Variants in SLC43A2 observed in about 807,000 individuals in gnomAD.
SLC43A2 encodes large neutral amino acids transporter small subunit 4.
SLC43A2 carries 38 observed loss-of-function variants against 63.2 expected under a neutral mutation model. The ratio of observed to expected loss-of-function variants is 0.60; its 90% CI spans 0.46 to 0.79. SLC43A2 has a LOEUF of 0.79. Ranked by LOEUF, SLC43A2 falls within the 30% of genes least tolerant of loss-of-function variation. The probability of loss-of-function intolerance (pLI) is 0.00; values close to 1 mark genes in which losing one functional copy is unlikely to be tolerated. For missense variants in SLC43A2, 644 were observed against 756.2 expected, an observed-to-expected ratio of 0.85 and a Z score of 1.74; for synonymous variants, 322 against 331.0, an observed-to-expected ratio of 0.97 and a Z score of 0.30.
chr17:1,588,252 G>A (rs1339589958), intron 9 of SLC43A2, among the ~76,000 whole-genome samples: 1 of 152,120 alleles, frequency 6.6e-6, no homozygotes, highest in Non-Finnish European at 1.5e-5. Context: ...TGGGCATGGT[G>A]GCAGGTGCCT....
Position 1,627,788 on chromosome 17 carries a change from G to C in SLC43A2, c.87C>G (p.Val29=), listed in dbSNP as rs1255976235. The C allele has an allele frequency of 6.3e-7, 1 of 1,598,954 alleles. No individual in the cohort carries two copies. The highest frequency in any genetic ancestry group is 8.5e-7 in the Non-Finnish European group (1 of 1,172,950). Residue 29 remains valine, a synonymous_variant, in exon 2 of 14, where the codon GTC becomes GTG. Coordinates refer to ENST00000301335, the MANE Select transcript of SLC43A2 (RefSeq NM_152346.3). ...AVLENLLFSA[V]LLGWGSLLIM... is the part of the protein sequence containing the mutation. The stretch of plus-strand genomic sequence containing the variant: ...TGAGCAGCGAGCCCCAGCCCAGGAG[G>C]ACTGCCGAGAAGAGGAGGTTCTCCA...
intron 5 of SLC43A2, among the ~76,000 whole-genome samples, chr17:1,604,082 C>A (rs1020821936): frequency 2.0e-5 from 3 of 152,166 alleles, no homozygotes; most frequent in African/African-American, 4.8e-5. Flanking sequence ...ACTCTGTCGC[C>A]AAGGCTACAG....
Position 1,578,153 on chromosome 17 carries a change from G to T in SLC43A2, c.1424+97C>A, listed in dbSNP as rs1433693041. On this transcript the variant is annotated intron_variant, in intron 12 of 13. Coordinates refer to ENST00000301335, the MANE Select transcript of SLC43A2 (RefSeq NM_152346.3). The surrounding 1 kb of genome is among the most constrained non-coding windows in gnomAD (Gnocchi z 6.5). ...AGGAAGATGAGCCCTTCTGGGACAG[G>T]CTGACCCTGCCTCAGAGTCTCAGTC... 2.4e-6 allele frequency: 3 copies of T among 1,240,664 alleles called. No individual in the cohort carries two copies. The Admixed American group carries it at 5.3e-5, about 22-fold the overall frequency. 76.9% of individuals were successfully genotyped at this position (1,240,664 alleles called of 1,614,324 possible).
At chr17:1,602,475 G>A (rs1030728543) in intron 5 of SLC43A2, among the ~76,000 whole-genome samples, 18 of 151,868 alleles carry the variant, frequency 1.2e-4, no homozygotes, top group Admixed American at 6.6e-4. Flanking sequence ...GTGAAACCTC[G>A]TCTTTACTAA....
At chr17:1,588,495 A>C (rs1381810329) in intron 9 of SLC43A2, among the ~76,000 whole-genome samples, 2 of 151,702 alleles carry the variant, frequency 1.3e-5, no homozygotes, top group Non-Finnish European at 2.9e-5. Flanking sequence ...GTTTGAGACC[A>C]GCCTGGGAAA....
Position 1,583,260 on chromosome 17 carries a change from T to C in SLC43A2, c.1294A>G (p.Asn432Asp). 1 of 1,614,116 alleles carries C rather than the reference T, an allele frequency of 6.2e-7. No individual in the cohort carries two copies. The highest frequency in any genetic ancestry group is 8.5e-7 in the Non-Finnish European group (1 of 1,180,012). ...TNAMRAFAFT[N>D]LLLVGFGVTC... ...ACCCCAAAGCCCACGAGCAGCAGGT[T>C]GGTGAAGGCGAAGGCCCGCATGGCA... The change falls in exon 11 of 14, where the codon AAC becomes GAC. Residue 432 changes from asparagine to aspartate, a missense_variant. Asn to Asp is a conservative substitution (Grantham distance 23, BLOSUM62 1). Around this residue, in one of 3 missense-constraint regions of SLC43A2, gnomAD observed 528 missense variants for 623.6 expected, o/e 0.85. Coordinates refer to ENST00000301335, the MANE Select transcript of SLC43A2 (RefSeq NM_152346.3). The surrounding 1 kb of genome is among the most constrained non-coding windows in gnomAD (Gnocchi z 5.5).
Position 1,583,364 on chromosome 17 carries a change from G to GGGAGGGCTCCCCGGAGGAAGCC in SLC43A2, c.1218-50_1218-29dup, listed in dbSNP as rs752763803. On this transcript the variant is annotated intron_variant, in intron 10 of 13. Coordinates refer to ENST00000301335, the MANE Select transcript of SLC43A2 (RefSeq NM_152346.3). The surrounding 1 kb of genome is among the most constrained non-coding windows in gnomAD (Gnocchi z 5.5). The stretch of plus-strand genomic sequence containing the variant: ...GTGGAGACACAGAACGTGCAGGGGT[G>GGGAGGGCTCCCCGGAGGAAGCC]GGAGGGCTCCCCGGAGGAAGCCGGG... 14 of 1,609,498 alleles carry GGGAGGGCTCCCCGGAGGAAGCC rather than the reference G, an allele frequency of 8.7e-6. No homozygotes were observed. Among genetic ancestry groups the GGGAGGGCTCCCCGGAGGAAGCC allele is most frequent in the Non-Finnish European group, 1.2e-5 (14 of 1,176,374 alleles).
At position 1,578,914 on chromosome 17, in the gene SLC43A2, T is replaced by C. The variant is rs994370464; in HGVS notation, c.1351-591A>G. Among the ~76,000 whole-genome samples, 3 of 151,552 alleles carry C rather than the reference T, an allele frequency of 2.0e-5. No individual in the cohort carries two copies. Among genetic ancestry groups the C allele is most frequent in the Admixed American group, 6.6e-5 (1 of 15,220 alleles). ...CCAGTGCTTTGGGAGGCCGAGGAGG[T>C]GGATCACCTGAGGTCAGGAGTTCGA... On this transcript the variant is annotated intron_variant, in intron 11 of 13. Coordinates refer to ENST00000301335, the MANE Select transcript of SLC43A2 (RefSeq NM_152346.3). The surrounding 1 kb of genome is among the most constrained non-coding windows in gnomAD (Gnocchi z 6.5).
intron 5 of SLC43A2, chr17:1,604,938 CCGGAGTGA>C (rs1191264078): frequency 1.5e-5 from 23 of 1,517,460 alleles, no homozygotes; most frequent in Non-Finnish European, 1.9e-5. Flanking sequence ...AGCCGCGGTG[CCGGAGTGA>C]GGGCTGAGCG....
chr17:1,621,251 C>A (rs183094427), intron 2 of SLC43A2, among the ~76,000 whole-genome samples: 1 of 152,274 alleles, frequency 6.6e-6, no homozygotes, highest in East Asian at 1.9e-4. Flanking sequence ...CCCCACACCC[C>A]GGGGAGACAA....
Position 1,575,564 on chromosome 17 carries a change from G to A in SLC43A2, c.*40C>T. On this transcript the variant is annotated 3_prime_UTR_variant, in exon 14 of 14. Coordinates refer to ENST00000301335, the MANE Select transcript of SLC43A2 (RefSeq NM_152346.3). ...AGGGGCAGGACAGGGGTCAGTCACT[G>A]AAGCACAGGCAGGAGACCGCAGTTC... 2 of 1,613,724 alleles carry A rather than the reference G, an allele frequency of 1.2e-6. No homozygotes were observed. Among genetic ancestry groups the A allele is most frequent in the East Asian group, 4.5e-5 (2 of 44,882 alleles).
Position 1,573,429 on chromosome 17 carries a change from A to G in SLC43A2, c.*2175T>C, listed in dbSNP as rs1450135276. The G allele has an allele frequency of 2.0e-5, 3 of 152,388 alleles. No homozygotes were observed. The highest frequency in any genetic ancestry group is 4.4e-5 in the Non-Finnish European group (3 of 68,058). 9.4% of individuals were successfully genotyped at this position (152,388 alleles called of 1,614,324 possible). On this transcript the variant is annotated 3_prime_UTR_variant, in exon 14 of 14. Transcript: ENST00000301335. ...TCGAGCCGTTCCTCGGCAGCACAGCACACCCGCTCCTGAGGAGCCACGGAG... is the reference window on the plus strand; with the variant it reads ...TCGAGCCGTTCCTCGGCAGCACAGCGCACCCGCTCCTGAGGAGCCACGGAG...
Position 1,573,230 on chromosome 17 carries a change from G to C in SLC43A2, c.*2374C>G, listed in dbSNP as rs1327402618. On this transcript the variant is annotated 3_prime_UTR_variant, in exon 14 of 14. Coordinates refer to ENST00000301335, the MANE Select transcript of SLC43A2 (RefSeq NM_152346.3). Reference sequence around the variant, plus strand: ...CCTTTTCCCAGCTGGCAGCACCCTGGCTAGTTAGGGTTTCTCCGAATCTGC... The same window carrying C: ...CCTTTTCCCAGCTGGCAGCACCCTGCCTAGTTAGGGTTTCTCCGAATCTGC... The C allele has an allele frequency of 6.6e-6, 1 of 151,052 alleles. No homozygotes were observed. Among genetic ancestry groups the C allele is most frequent in the Non-Finnish European group, 1.5e-5 (1 of 68,008 alleles). The allele number at this position is 151,052 out of a possible 1,614,324, so 9.4% of individuals were successfully genotyped here.
At chr17:1,615,704 G>C (rs559714277) in intron 3 of SLC43A2, among the ~76,000 whole-genome samples, 1 of 148,872 alleles carries the variant, frequency 6.7e-6, no homozygotes. Flanking sequence ...TTAGCCGGGC[G>C]TGGTGGCAGG....
At chr17:1,599,713 A>C (rs1361016724) in intron 5 of SLC43A2, among the ~76,000 whole-genome samples, 1 of 151,162 alleles carries the variant, frequency 6.6e-6, no homozygotes, top group Non-Finnish European at 1.5e-5. Context: ...AAAAACAAAA[A>C]ACTTTTACTA....
chr17:1,586,928 T>TCCCCCCCCCCCCCCCCCCCCCCCCC, intron 9 of SLC43A2: 24 of 1,232,896 alleles, frequency 1.9e-5, no homozygotes, highest in South Asian at 5.3e-5. Flanking sequence ...TCCCTGACAA[T>TCCCCCCCCCCCCCCCCCCCCCCCCC]CCCCCCCACC....
chr17:1,586,123 G>A (rs1325507776), intron 9 of SLC43A2, 72 bp from the exon 10 acceptor site: 3 of 1,498,986 alleles, frequency 2.0e-6, no homozygotes, highest in Non-Finnish European at 2.7e-6. Context: ...GCACCAGCTG[G>A]GAAGGGGCTG....
Position 1,607,995 on chromosome 17 carries a change from C to T in SLC43A2, c.501+5200G>A, listed in dbSNP as rs148633912. ...CCTCCCAAAGTGCTGGGGTTACAGG[C>T]GTGAGCTAGTGTGCCTGGCTAAGAC... On this transcript the variant is annotated intron_variant, in intron 5 of 13. Coordinates refer to ENST00000301335, the MANE Select transcript of SLC43A2 (RefSeq NM_152346.3). Among the ~76,000 whole-genome samples, 384 of 152,120 alleles carry T rather than the reference C, an allele frequency of 2.5e-3. 3 individuals are homozygous for T. Among genetic ancestry groups the T allele is most frequent in the African/African-American group, 8.6e-3 (357 of 41,500 alleles).
intron 3 of SLC43A2, chr17:1,616,353 G>C (rs911462384): frequency 1.4e-5 from 8 of 569,280 alleles, no homozygotes; most frequent in Middle Eastern, 4.6e-4. Context: ...CTGGAGCCTG[G>C]AGCTTTTCTT....
Sources: gnomAD v4.1 joint callset for allele counts (sites outside exome capture counted in the v4.1 genomes callset) on GRCh38, gnomAD v4.1.1 for gene constraint, gnomAD v4.1.1 regional missense constraint, Gnocchi (gnomAD v3.1) non-coding constraint, MANE v1.5 for transcripts, NCBI Gene and HGNC (gene_info 2026-07-23, HGNC 2026-07-21) for gene names.